Variants in RAB22A observed in about 807,000 individuals in gnomAD.
RAB22A encodes RAB22A, member RAS oncogene family, also known as ras-related protein Rab-22A.
In RAB22A, 13 loss-of-function variants were observed where a neutral mutation model predicts 30.2. The ratio of observed to expected loss-of-function variants is 0.43; its 90% CI spans 0.28 to 0.68. The LOEUF (loss-of-function observed/expected upper bound fraction) is 0.68. Ranked by LOEUF, RAB22A falls within the 30% of genes least tolerant of loss-of-function variation. The pLI, the probability that RAB22A is intolerant of heterozygous loss-of-function variation, is 0.18. For missense variants in RAB22A, 177 were observed against 246.8 expected, an observed-to-expected ratio of 0.72 and a Z score of 1.89; for synonymous variants, 89 against 87.2, an observed-to-expected ratio of 1.02 and a Z score of -0.11.
At chr20:58,359,548 ATTG>A in intron 6 of RAB22A, 55 bp from the exon 7 acceptor site, 1 of 1,297,200 alleles carries the variant, frequency 7.7e-7, no homozygotes, top group Middle Eastern at 1.9e-4. Flanking sequence ...CATCTGCAAA[ATTG>A]TTGTGTCTGA....
intron 2 of RAB22A, among the ~76,000 whole-genome samples, chr20:58,340,160 G>A (rs77624040): frequency 0.015 from 2,315 of 152,306 alleles, 26 homozygotes; most frequent in Non-Finnish European, 0.02. Flanking sequence ...ATTCAAACGT[G>A]AATGAGCAGG....
rs1048647428 is a variant in RAB22A at position 58,344,659 on chromosome 20, T to C, written c.198+860T>C. Among the ~76,000 whole-genome samples the C allele has an allele frequency of 3.3e-5, 5 of 152,316 alleles. No homozygotes were observed. In the East Asian group the frequency reaches 9.6e-4, roughly 29 times the overall value. The stretch of plus-strand genomic sequence containing the variant: ...GATGCATGGTGCTATCTTAAGCTCT[T>C]AAAAGTGTACCAGAAGTAATCAGGA... On this transcript the variant is annotated intron_variant, in intron 3 of 6. Transcript: ENST00000244040.
chr20:58,351,132 TTCAAGA>T, intron 3 of RAB22A, among the ~76,000 whole-genome samples: 1 of 149,906 alleles, frequency 6.7e-6, no homozygotes, highest in East Asian at 2.0e-4. Context: ...AGGCCAGGAG[TTCAAGA>T]TCAGCCTGTC....
chr20:58,359,495 CTTTTTT>C, intron 6 of RAB22A, 105 bp from the exon 7 acceptor site: 13 of 332,328 alleles, frequency 3.9e-5, no homozygotes, highest in Non-Finnish European at 5.1e-5. Context: ...GTTTATTAAA[CTTTTTT>C]TTTTTTTTTT....
At chr20:58,349,093 T>C (rs1987000665) in intron 3 of RAB22A, among the ~76,000 whole-genome samples, 1 of 152,088 alleles carries the variant, frequency 6.6e-6, no homozygotes, top group Non-Finnish European at 1.5e-5. Flanking sequence ...GCCTCCACCT[T>C]CTTTCTTTGC....
chr20:58,343,038 G>A (rs1302812663), intron 2 of RAB22A, among the ~76,000 whole-genome samples: 1 of 152,204 alleles, frequency 6.6e-6, no homozygotes, highest in East Asian at 1.9e-4. Flanking sequence ...CTGAAAGTGA[G>A]CGGTGTGACC....
At chr20:58,312,472 CTTTTTTTTTTTTTTTT>C (rs58198236) in intron 2 of RAB22A, among the ~76,000 whole-genome samples, 790 of 38,766 alleles carry the variant, frequency 0.02, 17 homozygotes, top group African/African-American at 0.071. Flanking sequence ...GGCTGGTTTT[CTTTTTTTTTTTTTTTT>C]TTTTTTTTTT....
In RAB22A at chr20:58,365,778, C is replaced by T. The variant is rs1483061472; in HGVS notation, c.*6075C>T. 6.6e-6 allele frequency: 1 copy of T among 152,542 alleles called. No homozygotes were observed. The highest frequency in any genetic ancestry group is 2.4e-5 in the African/African-American group (1 of 41,434). The allele number at this position is 152,542 out of a possible 1,614,324, so 9.4% of individuals were successfully genotyped here. On this transcript the variant is annotated 3_prime_UTR_variant, in exon 7 of 7. Coordinates refer to ENST00000244040, the MANE Select transcript of RAB22A (RefSeq NM_020673.3). ...CCAGGTTCAAGCAATTCTCCTGCCT[C>T]AGCCACCTGAATAGCTAGGATTACA...
At chr20:58,332,804 G>A (rs1986684953) in intron 2 of RAB22A, among the ~76,000 whole-genome samples, 1 of 151,922 alleles carries the variant, frequency 6.6e-6, no homozygotes, top group Non-Finnish European at 1.5e-5. Flanking sequence ...CCACAGTCTA[G>A]GTATATCATA....
chr20:58,348,637 C>T (rs528446310), intron 3 of RAB22A, among the ~76,000 whole-genome samples: 34 of 152,266 alleles, frequency 2.2e-4, no homozygotes, highest in Non-Finnish European at 4.9e-4. Flanking sequence ...AACCTGCCAC[C>T]AGTTTTTGTA....
intron 3 of RAB22A, among the ~76,000 whole-genome samples, chr20:58,349,398 A>G (rs1987006214): frequency 6.6e-6 from 1 of 152,200 alleles, no homozygotes; most frequent in Admixed American, 6.5e-5. Context: ...AGCCAGAAAA[A>G]GAGGAGGCAA....
At chr20:58,323,635 CT>C (rs1176858433) in intron 2 of RAB22A, among the ~76,000 whole-genome samples, 12 of 106,114 alleles carry the variant, frequency 1.1e-4, no homozygotes, top group South Asian at 3.0e-4. Flanking sequence ...CTTTTTTTTT[CT>C]TTTTTTTTTT....
chr20:58,333,192 A>G (rs1986690911), intron 2 of RAB22A, among the ~76,000 whole-genome samples: 1 of 151,960 alleles, frequency 6.6e-6, no homozygotes, highest in Admixed American at 6.6e-5. Flanking sequence ...AGGCAGGAGA[A>G]CCACTTGAAC....
chr20:58,352,539 T>C (rs1490967622), intron 3 of RAB22A, among the ~76,000 whole-genome samples: 2 of 152,214 alleles, frequency 1.3e-5, no homozygotes, highest in African/African-American at 4.8e-5. Context: ...GGCAAAGAGC[T>C]TCACAGTCTC....
intron 2 of RAB22A, among the ~76,000 whole-genome samples, chr20:58,334,158 G>A (rs6070427): frequency 1.3e-5 from 2 of 151,788 alleles, no homozygotes; most frequent in Admixed American, 6.6e-5. Flanking sequence ...TGGTGAAACC[G>A]CGTCTCTACT....
chr20:58,321,154 G>A (rs991731105), intron 2 of RAB22A, among the ~76,000 whole-genome samples: 3 of 148,890 alleles, frequency 2.0e-5, no homozygotes, highest in Non-Finnish European at 1.5e-5. Flanking sequence ...CTGCGCCACT[G>A]CCCTCCAGCC....
intron 2 of RAB22A, among the ~76,000 whole-genome samples, chr20:58,312,279 CTTTTT>C (rs200841573): frequency 6.7e-5 from 9 of 134,324 alleles, no homozygotes; most frequent in African/African-American, 8.2e-5. Context: ...TTTTTGTCTG[CTTTTT>C]TTTTTTTTTT....
intron 2 of RAB22A, among the ~76,000 whole-genome samples, chr20:58,314,090 C>G (rs1246470645): frequency 6.6e-6 from 1 of 151,276 alleles, no homozygotes; most frequent in East Asian, 1.9e-4. Flanking sequence ...TCTCTATTAC[C>G]CAGGCTGGAT....
intron 2 of RAB22A, among the ~76,000 whole-genome samples, chr20:58,323,806 A>C (rs980270556): frequency 6.8e-6 from 1 of 147,794 alleles, no homozygotes; most frequent in Non-Finnish European, 1.5e-5. Context: ...GGGATCTTTG[A>C]TTTTTTTTTT....
Sources: gnomAD v4.1 joint callset for allele counts (sites outside exome capture counted in the v4.1 genomes callset) on GRCh38, gnomAD v4.1.1 for gene constraint, MANE v1.5 for transcripts, NCBI Gene and HGNC (gene_info 2026-07-23, HGNC 2026-07-21) for gene names.